PPM1H: variants seen among roughly 807,000 people sequenced by gnomAD.
The protein encoded by PPM1H is protein phosphatase, Mg2+/Mn2+ dependent 1H, also known as protein phosphatase 1H.
Under a neutral mutation model 54.9 loss-of-function variants are expected in PPM1H, and 27 were observed. The observed-to-expected ratio is 0.49, with a 90% CI of 0.36 to 0.68. The LOEUF (loss-of-function observed/expected upper bound fraction) is 0.68. Ranked by LOEUF, PPM1H falls within the 30% of genes least tolerant of loss-of-function variation. PPM1H has a pLI of 0.00. For synonymous variants in PPM1H, 305 were observed against 270.8 expected (o/e 1.13, Z -1.24); for missense variants, 596 against 667.8 (o/e 0.89, Z 1.19).
intron 1 of PPM1H, among the ~76,000 whole-genome samples, chr12:62,914,136 C>G (rs554433617): frequency 1.3e-5 from 2 of 152,152 alleles, no homozygotes; most frequent in Non-Finnish European, 2.9e-5. Context: ...GGAGTCAAAT[C>G]TCTCAAGAAT....
At chr12:62,752,409 T>C (rs982705755) in intron 4 of PPM1H, among the ~76,000 whole-genome samples, 1 of 152,234 alleles carries the variant, frequency 6.6e-6, no homozygotes, top group Non-Finnish European at 1.5e-5. Context: ...AGTGGTTATC[T>C]CACATTTTAT....
At chr12:62,662,235 T>A (rs543138535) in intron 9 of PPM1H, among the ~76,000 whole-genome samples, 19 of 152,302 alleles carry the variant, frequency 1.2e-4, no homozygotes, top group Admixed American at 1.2e-3. Flanking sequence ...TTTTAATGCA[T>A]AACTGGCAGG....
intron 4 of PPM1H, among the ~76,000 whole-genome samples, chr12:62,756,498 A>G (rs898072611): frequency 2.0e-5 from 3 of 152,086 alleles, no homozygotes; most frequent in African/African-American, 7.2e-5. Context: ...TTTTAAACAA[A>G]TGTTTCATGA....
chr12:62,702,136 A>G (rs2120382836), intron 6 of PPM1H, among the ~76,000 whole-genome samples: 1 of 152,268 alleles, frequency 6.6e-6, no homozygotes, highest in East Asian at 1.9e-4. Flanking sequence ...CTGGGTTCCC[A>G]TTGGTGATAC....
rs989202036 is a variant in PPM1H, at chr12:62,844,178, A to G, written c.246-11899T>C. Among the ~76,000 whole-genome samples the G allele has an allele frequency of 2.6e-5, 4 of 152,192 alleles. No homozygotes were observed. Among genetic ancestry groups the G allele is most frequent in the African/African-American group, 9.7e-5 (4 of 41,446 alleles). On this transcript the variant is annotated intron_variant, in intron 1 of 9. Coordinates refer to ENST00000228705, the MANE Select transcript of PPM1H (RefSeq NM_020700.2). This position sits in a 1 kb window ranked among gnomAD's most constrained non-coding sequence, Gnocchi z 5.2. ...AGCCACCTGGGCAGCACACACTCCAAATGGATGGGGTTGGTGTTCCAAAGT... is the reference window on the plus strand; with the variant it reads ...AGCCACCTGGGCAGCACACACTCCAGATGGATGGGGTTGGTGTTCCAAAGT...
chr12:62,825,218 T>C (rs1186614158), intron 2 of PPM1H, among the ~76,000 whole-genome samples: 1 of 152,080 alleles, frequency 6.6e-6, no homozygotes, highest in Non-Finnish European at 1.5e-5. Context: ...AGAGAGGCGA[T>C]TAAAAAGTCA....
chr12:62,825,248 G>A (rs1219784370), intron 2 of PPM1H, among the ~76,000 whole-genome samples: 1 of 152,194 alleles, frequency 6.6e-6, no homozygotes, highest in East Asian at 1.9e-4. Context: ...AGATGCTGGA[G>A]AGGTTGTGGA....
chr12:62,924,520 C>A (rs1249935), intron 1 of PPM1H, among the ~76,000 whole-genome samples: 136,609 of 152,244 alleles, frequency 0.9, 61,643 homozygotes, highest in East Asian at 1. Flanking sequence ...GTGACATAAT[C>A]CAAGTGCATA....
intron 1 of PPM1H, among the ~76,000 whole-genome samples, chr12:62,833,715 T>C (rs1033641296): frequency 6.6e-6 from 1 of 152,190 alleles, no homozygotes; most frequent in Non-Finnish European, 1.5e-5. Context: ...TGGAACTCTA[T>C]GGAGGTGTTT....
chr12:62,896,885 T>G (rs1871007149), intron 1 of PPM1H, among the ~76,000 whole-genome samples: 1 of 151,868 alleles, frequency 6.6e-6, no homozygotes, highest in Non-Finnish European at 1.5e-5. Context: ...ATTAAGAAAA[T>G]GTGGCACACA....
intron 1 of PPM1H, among the ~76,000 whole-genome samples, chr12:62,896,488 CAT>C (rs1331441700): frequency 3.9e-5 from 6 of 152,146 alleles, no homozygotes; most frequent in African/African-American, 1.4e-4. Flanking sequence ...AGCCAACAGA[CAT>C]ATGAAAAAAT....
chr12:62,713,774 G>A (rs1367624103), intron 6 of PPM1H, among the ~76,000 whole-genome samples: 1 of 152,040 alleles, frequency 6.6e-6, no homozygotes, highest in Non-Finnish European at 1.5e-5. Context: ...TTTGAGACCA[G>A]TCTAGGCAAC....
Position 62,712,503 on chromosome 12 carries a change from C to T in PPM1H, c.1073+7668G>A, listed in dbSNP as rs747421467. Among the ~76,000 whole-genome samples, 7 of 152,342 alleles carry T rather than the reference C, an allele frequency of 4.6e-5. No homozygotes were observed. The South Asian group carries it at 1.0e-3, about 23-fold the overall frequency. ...AGGTAGGTCTGTGGCATGACGGCAA[C>T]ATCAGGATTTACACTGGGGTGGGAC... On this transcript the variant is annotated intron_variant, in intron 6 of 9. Coordinates refer to ENST00000228705, the MANE Select transcript of PPM1H (RefSeq NM_020700.2).
At chr12:62,854,002 C>T (rs1869288871) in intron 1 of PPM1H, among the ~76,000 whole-genome samples, 1 of 151,806 alleles carries the variant, frequency 6.6e-6, no homozygotes, top group African/African-American at 2.4e-5. Flanking sequence ...CCATCTGCTC[C>T]AAAAAAGTCT....
At chr12:62,902,794 T>C (rs949100800) in intron 1 of PPM1H, among the ~76,000 whole-genome samples, 5 of 152,222 alleles carry the variant, frequency 3.3e-5, no homozygotes, top group Non-Finnish European at 5.9e-5. Context: ...ATGACTGTAA[T>C]AATTATGAGT....
At chr12:62,725,007 T>G (rs1430747835) in intron 5 of PPM1H, among the ~76,000 whole-genome samples, 8 of 152,232 alleles carry the variant, frequency 5.3e-5, no homozygotes, top group Non-Finnish European at 1.2e-4. Flanking sequence ...ACGCAGCATT[T>G]TTTAATTAAT....
At chr12:62,915,128 G>C (rs772571) in intron 1 of PPM1H, among the ~76,000 whole-genome samples, 94,781 of 152,146 alleles carry the variant, frequency 0.62, 30,070 homozygotes, top group Non-Finnish European at 0.68. Context: ...CCTACCTCTT[G>C]AGCCCTGTCC....
intron 1 of PPM1H, among the ~76,000 whole-genome samples, chr12:62,919,186 T>C (rs185007842): frequency 6.6e-6 from 1 of 152,290 alleles, no homozygotes; most frequent in East Asian, 1.9e-4. Flanking sequence ...AATAAAACTA[T>C]TAAAAGACTG....
At chr12:62,746,939 A>G (rs2120561837) in intron 4 of PPM1H, among the ~76,000 whole-genome samples, 1 of 152,176 alleles carries the variant, frequency 6.6e-6, no homozygotes, top group East Asian at 1.9e-4. Context: ...CAAACGAGTA[A>G]CAAATTCTTT....
Sources: allele counts gnomAD v4.1 joint callset (sites outside exome capture counted in the v4.1 genomes callset), GRCh38; gene constraint gnomAD v4.1.1; non-coding constraint Gnocchi (gnomAD v3.1); transcripts MANE v1.5; gene names NCBI Gene and HGNC (gene_info 2026-07-23, HGNC 2026-07-21).